MAGI2: variants seen among roughly 807,000 people sequenced by gnomAD.
MAGI2 encodes the protein membrane-associated guanylate kinase, WW and PDZ domain-containing protein 2.
Under a neutral mutation model 133.3 loss-of-function variants are expected in MAGI2, and 35 were observed. The observed-to-expected ratio is 0.26, with a 90% CI of 0.20 to 0.35. MAGI2 has a LOEUF of 0.35. Among genes scored for constraint, MAGI2 ranks in the 10% least tolerant of loss-of-function variants. MAGI2 has a pLI of 1.00. For missense variants in MAGI2, 1,636 were observed against 1,863.4 expected, an observed-to-expected ratio of 0.88 and a Z score of 2.25; for synonymous variants, 729 against 710.6, an observed-to-expected ratio of 1.03 and a Z score of -0.41.
Position 78,623,905 on chromosome 7 carries a change from G to A in MAGI2, c.538+3215C>T, listed in dbSNP as rs371183786. On this transcript the variant is annotated intron_variant, in intron 3 of 21. Transcript: ENST00000354212. Reference sequence around the variant, plus strand: ...AGCCCTTGTAATATCATAGTGCAATGCATCACTCATTTGTGTTTGTGGATG... The same window carrying A: ...AGCCCTTGTAATATCATAGTGCAATACATCACTCATTTGTGTTTGTGGATG... Among the ~76,000 whole-genome samples, 8 of 152,158 alleles carry A rather than the reference G, an allele frequency of 5.3e-5. No individual in the cohort carries two copies. The South Asian group carries it at 6.2e-4, about 12-fold the overall frequency.
intron 1 of MAGI2, among the ~76,000 whole-genome samples, chr7:79,132,339 T>C (rs1290247304): frequency 6.6e-6 from 1 of 152,124 alleles, no homozygotes; most frequent in Non-Finnish European, 1.5e-5. Context: ...ATTATATCAC[T>C]CTGTGTGACT....
chr7:78,330,728 C>T (rs1323281451), intron 9 of MAGI2, among the ~76,000 whole-genome samples: 9 of 149,946 alleles, frequency 6.0e-5, no homozygotes, highest in Non-Finnish European at 1.0e-4. Context: ...GATTTATTAA[C>T]GATCAAGTCA....
In MAGI2 at chr7:79,211,019, A is replaced by T. The variant is rs548215787; in HGVS notation, c.302-203813T>A. 4.2e-4 allele frequency among the ~76,000 whole-genome samples: 64 copies of T among 152,130 alleles called. 2 individuals are homozygous for T. Among genetic ancestry groups the T allele is most frequent in the African/African-American group, 1.5e-3 (61 of 41,428 alleles). On this transcript the variant is annotated intron_variant, in intron 1 of 21. Transcript: ENST00000354212. ...TGCTATTGAAAAAACCTGGAAAACAACCCAAACATTTTACAGAGAAGGATT... is the reference window on the plus strand; with the variant it reads ...TGCTATTGAAAAAACCTGGAAAACATCCCAAACATTTTACAGAGAAGGATT...
intron 1 of MAGI2, among the ~76,000 whole-genome samples, chr7:79,184,080 G>A (rs1562970910): frequency 6.6e-6 from 1 of 151,632 alleles, no homozygotes; most frequent in Non-Finnish European, 1.5e-5. Context: ...TGCACAGCAA[G>A]GTAACCATTG....
chr7:78,211,254 A>G (rs376461111), intron 10 of MAGI2, among the ~76,000 whole-genome samples: 1 of 151,968 alleles, frequency 6.6e-6, no homozygotes, highest in African/African-American at 2.4e-5. Context: ...CCCCATGGGG[A>G]GGGATGGGAC....
intron 6 of MAGI2, among the ~76,000 whole-genome samples, chr7:78,396,535 C>A (rs951091380): frequency 3.3e-5 from 5 of 152,200 alleles, no homozygotes; most frequent in Admixed American, 6.6e-5. Flanking sequence ...GCTTACCTTG[C>A]CTTCACCATG....
chr7:78,379,869 G>A (rs1337923123), intron 6 of MAGI2, among the ~76,000 whole-genome samples: 1 of 151,998 alleles, frequency 6.6e-6, no homozygotes, highest in East Asian at 1.9e-4. Context: ...GCAATAAAAT[G>A]TAGATGTTAG....
intron 1 of MAGI2, among the ~76,000 whole-genome samples, chr7:79,044,404 A>C (rs1252958337): frequency 1.3e-5 from 2 of 152,236 alleles, no homozygotes; most frequent in African/African-American, 2.4e-5. Flanking sequence ...AAAAACCCTC[A>C]GTGAATGAGG....
intron 2 of MAGI2, among the ~76,000 whole-genome samples, chr7:78,634,919 A>G (rs1314090509): frequency 6.6e-6 from 1 of 152,154 alleles, no homozygotes; most frequent in Non-Finnish European, 1.5e-5. Flanking sequence ...TAATTTATAT[A>G]TTTTATTCTT....
chr7:78,486,101 G>C (rs977748429), intron 6 of MAGI2: 2 of 152,076 alleles, frequency 1.3e-5, no homozygotes, highest in Admixed American at 6.6e-5. Context: ...TGGGAAGAAG[G>C]CCGCTGCTGG....
chr7:78,524,407 G>A (rs1243110046), intron 3 of MAGI2, among the ~76,000 whole-genome samples: 3 of 152,038 alleles, frequency 2.0e-5, no homozygotes, highest in African/African-American at 4.8e-5. Flanking sequence ...TGGTTTTAAC[G>A]GCAGTGTAAA....
At chr7:78,952,120 A>C (rs563787349) in intron 2 of MAGI2, among the ~76,000 whole-genome samples, 2 of 152,270 alleles carry the variant, frequency 1.3e-5, no homozygotes, top group African/African-American at 4.8e-5. Context: ...CTCCCTCTTG[A>C]AAATATTGTG....
intron 2 of MAGI2, among the ~76,000 whole-genome samples, chr7:79,003,041 T>C (rs1807052638): frequency 6.6e-6 from 1 of 151,956 alleles, no homozygotes; most frequent in Admixed American, 6.6e-5. Flanking sequence ...TTATTTGTAG[T>C]TAAGGGTCAG....
intron 5 of MAGI2, among the ~76,000 whole-genome samples, chr7:78,501,101 C>T (rs1266140188): frequency 6.6e-6 from 1 of 152,146 alleles, no homozygotes; most frequent in Non-Finnish European, 1.5e-5. Flanking sequence ...GACAACCAAC[C>T]AACCAAACAA....
At chr7:78,372,422 ATT>A (rs1245428013) in intron 6 of MAGI2, among the ~76,000 whole-genome samples, 1 of 152,140 alleles carries the variant, frequency 6.6e-6, no homozygotes, top group Non-Finnish European at 1.5e-5. Context: ...ACATCGCACT[ATT>A]TGTCCAATCA....
intron 6 of MAGI2, among the ~76,000 whole-genome samples, chr7:78,399,949 C>G (rs550853432): frequency 6.8e-6 from 1 of 146,946 alleles, no homozygotes; most frequent in Admixed American, 6.8e-5. Flanking sequence ...AAAAAAATAA[C>G]AAAACAATTC....
chr7:78,870,961 A>G (rs1424326709), intron 2 of MAGI2, among the ~76,000 whole-genome samples: 1 of 152,150 alleles, frequency 6.6e-6, no homozygotes, highest in Admixed American at 6.5e-5. Context: ...AAAACCAAAT[A>G]TTATATGTTC....
At chr7:78,542,738 G>A (rs1220812857) in intron 3 of MAGI2, among the ~76,000 whole-genome samples, 1 of 152,160 alleles carries the variant, frequency 6.6e-6, no homozygotes, top group African/African-American at 2.4e-5. Context: ...CAGCATTTGA[G>A]CCTGAGAAGA....
chr7:79,161,287 C>A (rs1440286959), intron 1 of MAGI2, among the ~76,000 whole-genome samples: 1 of 151,936 alleles, frequency 6.6e-6, no homozygotes, highest in Non-Finnish European at 1.5e-5. Context: ...AGTAAAATTG[C>A]CTGAGCCCAC....
Sources: gnomAD v4.1 joint callset for allele counts (sites outside exome capture counted in the v4.1 genomes callset) on GRCh38, gnomAD v4.1.1 for gene constraint, MANE v1.5 for transcripts, NCBI Gene and HGNC (gene_info 2026-07-23, HGNC 2026-07-21) for gene names.